Variants in TSC22D1 observed in about 807,000 individuals in gnomAD.
TSC22D1 encodes the protein TSC22 domain family member 1, also known as TSC22 domain family protein 1.
TSC22D1 carries 9 observed loss-of-function variants against 74.2 expected under a neutral mutation model. That is an observed-to-expected ratio of 0.12 (90% confidence interval 0.07 to 0.21). The LOEUF is 0.21. Among genes scored for constraint, TSC22D1 ranks in the 10% least tolerant of loss-of-function variants. The pLI is 1.00. For synonymous variants in TSC22D1, 586 were observed against 492.5 expected (o/e 1.19, Z -2.51); for missense variants, 1,427 against 1,304.7 (o/e 1.09, Z -1.44).
intron 1 of TSC22D1, among the ~76,000 whole-genome samples, chr13:44,450,818 T>A (rs1876067165): frequency 6.6e-6 from 1 of 152,158 alleles, no homozygotes; most frequent in African/African-American, 2.4e-5. Flanking sequence ...AGAAAAGTTG[T>A]TAGGTTAGCA....
At chr13:44,504,048 A>T (rs2137989846) in intron 1 of TSC22D1, among the ~76,000 whole-genome samples, 1 of 151,650 alleles carries the variant, frequency 6.6e-6, no homozygotes, top group Non-Finnish European at 1.5e-5. Flanking sequence ...TGGGAATTTG[A>T]GCTATGTGTT....
At chr13:44,535,991 C>G (rs1881111490) in intron 1 of TSC22D1, among the ~76,000 whole-genome samples, 2 of 151,742 alleles carry the variant, frequency 1.3e-5, no homozygotes, top group Non-Finnish European at 3.0e-5. Context: ...AAAATACAGC[C>G]TTTCATTGAA....
intron 1 of TSC22D1, among the ~76,000 whole-genome samples, chr13:44,452,288 AC>A (rs1167239133): frequency 6.6e-6 from 1 of 152,164 alleles, no homozygotes; most frequent in African/African-American, 2.4e-5. Flanking sequence ...GAAAAAGGAA[AC>A]TGCCGCACAC....
intron 1 of TSC22D1, among the ~76,000 whole-genome samples, chr13:44,477,636 AG>A (rs1877979928): frequency 7.2e-6 from 1 of 139,362 alleles, no homozygotes. Context: ...ATGTGCTCAT[AG>A]ATTTTTTTTT....
At chr13:44,501,955 T>C (rs563242929) in intron 1 of TSC22D1, among the ~76,000 whole-genome samples, 12 of 152,286 alleles carry the variant, frequency 7.9e-5, no homozygotes, top group Non-Finnish European at 1.6e-4. Flanking sequence ...GTGAAATAAT[T>C]TGTCTTTATA....
At position 44,574,668 on chromosome 13, in the gene TSC22D1, T is replaced by C. The variant is rs1884070792; in HGVS notation, c.1407A>G (p.Ser469=). Residue 469 remains serine (S), a synonymous_variant, in exon 1 of 3, where the codon TCA becomes TCG. Coordinates refer to ENST00000458659, the MANE Select transcript of TSC22D1 (RefSeq NM_183422.4). ...TSERESTSGS[S]VSSSVSTLSH... ...TCAGTGTGCTGACACTACTGCTCAC[T>C]GAACTCCCACTAGTGCTCTCCCTTT... 1 of 1,614,152 alleles carries C rather than the reference T, an allele frequency of 6.2e-7. No individual in the cohort carries two copies.
chr13:44,452,545 T>G lies in TSC22D1; in HGVS notation c.2913-16450A>C, dbSNP rs528957562. 4.0e-3 allele frequency: 616 copies of G among 152,446 alleles called. 2 individuals carry two copies. The highest frequency in any genetic ancestry group is 6.9e-3 in the Non-Finnish European group (473 of 68,138). The allele number at this position is 152,446 out of a possible 1,614,324, so 9.4% of individuals were successfully genotyped here. A position where few individuals can be genotyped will look rare whatever the true frequency, so the allele number is the denominator to read the frequency against. ...GGGCCCCATGCCACCACTGTCCTCA[T>G]GGCCTGGCTGGGCTACTCATGGGGA... On this transcript the variant is annotated intron_variant, in intron 1 of 2. Coordinates refer to ENST00000458659, the MANE Select transcript of TSC22D1 (RefSeq NM_183422.4).
intron 1 of TSC22D1, among the ~76,000 whole-genome samples, chr13:44,480,782 T>C (rs1168614358): frequency 6.6e-6 from 1 of 152,192 alleles, no homozygotes; most frequent in East Asian, 1.9e-4. Context: ...CAAGTTTCCA[T>C]ACTAACCACA....
At chr13:44,469,995 CAT>C (rs1160182569) in intron 1 of TSC22D1, among the ~76,000 whole-genome samples, 16 of 152,212 alleles carry the variant, frequency 1.1e-4, no homozygotes, top group African/African-American at 3.4e-4. Flanking sequence ...ATGCAAAATC[CAT>C]ATGAGTAAGA....
intron 1 of TSC22D1, among the ~76,000 whole-genome samples, chr13:44,500,884 C>T (rs1252540598): frequency 6.6e-6 from 1 of 152,164 alleles, no homozygotes; most frequent in African/African-American, 2.4e-5. Context: ...GAGTGTCTCA[C>T]TTTATTGCCC....
upstream of TSC22D1, among the ~76,000 whole-genome samples, chr13:44,576,778 A>C (rs1241621217): frequency 1.3e-5 from 2 of 151,120 alleles, no homozygotes; most frequent in Admixed American, 1.3e-4. Flanking sequence ...TGAGCCCAGC[A>C]ACGAGGCGCG....
chr13:44,483,664 T>C (rs1473577692), intron 1 of TSC22D1, among the ~76,000 whole-genome samples: 1 of 139,822 alleles, frequency 7.2e-6, no homozygotes, highest in Non-Finnish European at 1.5e-5. Flanking sequence ...CGAGACTCCG[T>C]CTCAAAAAAA....
rs775681091 is a variant in TSC22D1, at chr13:44,433,460, A to G, written c.*1166T>C. 1.3e-5 allele frequency: 2 copies of G among 152,340 alleles called. No individual in the cohort carries two copies. Among genetic ancestry groups the G allele is most frequent in the East Asian group, 3.8e-4 (2 of 5,216 alleles). 9.4% of individuals were successfully genotyped at this position (152,340 alleles called of 1,614,324 possible). ...TTTTACTAGTCAAATTGTTAACTTTACCTGGAAACAGTTGTGGAAATGACT... is the reference window on the plus strand; with the variant it reads ...TTTTACTAGTCAAATTGTTAACTTTGCCTGGAAACAGTTGTGGAAATGACT... On this transcript the variant is annotated 3_prime_UTR_variant, in exon 3 of 3. Coordinates refer to ENST00000458659, the MANE Select transcript of TSC22D1 (RefSeq NM_183422.4).
chr13:44,520,233 G>A (rs1384407113), intron 1 of TSC22D1, among the ~76,000 whole-genome samples: 2 of 152,176 alleles, frequency 1.3e-5, no homozygotes, highest in Non-Finnish European at 2.9e-5. Context: ...GTGAGAATGA[G>A]TCTGCGAATC....
upstream of TSC22D1, chr13:44,577,145 G>C (rs968150053): frequency 6.6e-6 from 1 of 152,460 alleles, no homozygotes; most frequent in Non-Finnish European, 1.5e-5. Flanking sequence ...GGCTGGTGCA[G>C]CGACTGCAGC....
chr13:44,490,135 A>C (rs2137955014), intron 1 of TSC22D1, among the ~76,000 whole-genome samples: 1 of 152,374 alleles, frequency 6.6e-6, no homozygotes, highest in Non-Finnish European at 1.5e-5. Context: ...TTGTACAAAT[A>C]GTATATATCT....
intron 1 of TSC22D1, chr13:44,539,137 G>C (rs1005812880): frequency 1.0e-6 from 1 of 985,114 alleles, no homozygotes; most frequent in African/African-American, 1.7e-5. Context: ...TATTCCTAGG[G>C]ACTAGAAAAT....
chr13:44,461,013 T>G (rs905585364), intron 1 of TSC22D1, among the ~76,000 whole-genome samples: 9 of 152,346 alleles, frequency 5.9e-5, no homozygotes, highest in African/African-American at 2.2e-4. Context: ...AACAGCTTTC[T>G]TGTTATAAAT....
At chr13:44,449,916 G>T (rs1295777849) in intron 1 of TSC22D1, among the ~76,000 whole-genome samples, 4 of 152,094 alleles carry the variant, frequency 2.6e-5, no homozygotes, top group Non-Finnish European at 5.9e-5. Context: ...CCCATGAAAG[G>T]CCAGGAACTT....
Sources: allele counts gnomAD v4.1 joint callset (sites outside exome capture counted in the v4.1 genomes callset), GRCh38; gene constraint gnomAD v4.1.1; transcripts MANE v1.5; gene names NCBI Gene and HGNC (gene_info 2026-07-23, HGNC 2026-07-21).